The following LTV1 variants were observed in gnomAD, a reference collection of about 807,000 sequenced individuals.
The protein encoded by LTV1 is protein LTV1 homolog.
Under a neutral mutation model 59.9 loss-of-function variants are expected in LTV1, and 39 were observed. The observed-to-expected ratio is 0.65, with a 90% CI of 0.50 to 0.85. LTV1 has a LOEUF of 0.85. Among genes scored for constraint, LTV1 ranks in the 40% least tolerant of loss-of-function variants. The probability of loss-of-function intolerance (pLI) is 0.00; values close to 1 mark genes in which losing one functional copy is unlikely to be tolerated. For missense variants in LTV1, 493 were observed against 549.1 expected (o/e 0.90, Z 1.02); for synonymous variants, 171 against 189.5 (o/e 0.90, Z 0.80).
Position 143,846,130 on chromosome 6 carries a change from T to C in LTV1, c.215T>C (p.Leu72Pro). ...GACGACTATGACTACCTGCAGCACC[T>C]GAAGGAACCATCTGGGCCTTCAGAG... Reference protein sequence around the residue: ...FDDDYDYLQHLKEPSGPSELI... With the variant: ...FDDDYDYLQHPKEPSGPSELI... Residue 72 changes from leucine (L) to proline (P), a missense_variant, in exon 3 of 11, where the codon CTG becomes CCG. Physicochemically the swap from Leu to Pro is moderately conservative, Grantham distance 98. Coordinates refer to ENST00000367576, the MANE Select transcript of LTV1 (RefSeq NM_032860.5). 3 of 1,614,120 alleles carry C rather than the reference T, an allele frequency of 1.9e-6. No individual in the cohort carries two copies. Among genetic ancestry groups the C allele is most frequent in the East Asian group, 4.5e-5 (2 of 44,900 alleles).
intron 6 of LTV1, chr6:143,858,627 G>GT (rs1246469077): frequency 3.3e-5 from 5 of 153,316 alleles, no homozygotes; most frequent in Non-Finnish European, 7.3e-5. Context: ...TGAAGGAATA[G>GT]TTTCCTTCAA....
At chr6:143,859,595 C>T (rs1423683255) in intron 6 of LTV1, among the ~76,000 whole-genome samples, 1 of 152,206 alleles carries the variant, frequency 6.6e-6, no homozygotes, top group East Asian at 1.9e-4. Context: ...TCACCTAATA[C>T]TATTTTCCCT....
At chr6:143,851,108 T>TA (rs529854498) in intron 4 of LTV1, among the ~76,000 whole-genome samples, 2 of 152,146 alleles carry the variant, frequency 1.3e-5, no homozygotes, top group African/African-American at 2.4e-5. Flanking sequence ...TAGGTAACTA[T>TA]ACACATTTTA....
intron 4 of LTV1, among the ~76,000 whole-genome samples, chr6:143,851,166 G>A (rs1386074814): frequency 6.6e-6 from 1 of 152,106 alleles, no homozygotes; most frequent in Admixed American, 6.6e-5. Context: ...GAGGCTGGAG[G>A]GTTAAGTAAT....
intron 4 of LTV1, among the ~76,000 whole-genome samples, chr6:143,851,696 C>A (rs948388088): frequency 3.3e-5 from 5 of 151,950 alleles, no homozygotes; most frequent in African/African-American, 1.2e-4. Context: ...CTACATTAGG[C>A]ATTTCTCCTA....
chr6:143,844,685 TAAA>T, intron 2 of LTV1, 68 bp downstream of exon 2: 20 of 1,255,316 alleles, frequency 1.6e-5, no homozygotes, highest in South Asian at 5.9e-5. Flanking sequence ...TTTTTTTTTT[TAAA>T]TAAATAGAGT....
At chr6:143,850,533 G>C (rs1341908936) in intron 4 of LTV1, among the ~76,000 whole-genome samples, 2 of 152,148 alleles carry the variant, frequency 1.3e-5, no homozygotes, top group African/African-American at 4.8e-5. Flanking sequence ...ATTACTTGTA[G>C]TGTAATTTTG....
At chr6:143,844,813 A>G (rs1776864175) in intron 2 of LTV1, among the ~76,000 whole-genome samples, 196 bp downstream of exon 2, 1 of 152,120 alleles carries the variant, frequency 6.6e-6, no homozygotes, top group Non-Finnish European at 1.5e-5. Context: ...CTATGTTAAT[A>G]GTTTTTAATA....
chr6:143,845,296 G>T (rs1018115141), intron 2 of LTV1, among the ~76,000 whole-genome samples: 3 of 152,118 alleles, frequency 2.0e-5, no homozygotes, highest in African/African-American at 7.2e-5. Context: ...AGTACTGGGG[G>T]ACATGGGCCA....
intron 3 of LTV1, 62 bp downstream of exon 3, chr6:143,846,286 T>TA: frequency 6.7e-7 from 1 of 1,502,020 alleles, no homozygotes; most frequent in Non-Finnish European, 9.1e-7. Flanking sequence ...TGAATCAAGA[T>TA]ATCTGTTTGG....
rs920401249 is a variant in LTV1 at position 143,855,746 on chromosome 6, A to T, written c.398-1557A>T. On this transcript the variant is annotated intron_variant, in intron 4 of 10. Coordinates refer to ENST00000367576, the MANE Select transcript of LTV1 (RefSeq NM_032860.5). This position sits in a 1 kb window ranked among gnomAD's most constrained non-coding sequence, Gnocchi z 4.6. ...TGAGATTCTAAGTTGAAAATTCTTT[A>T]CTTTAAGGATGTTGAGTATTGGCCC... Among the ~76,000 whole-genome samples the T allele has an allele frequency of 1.3e-5, 2 of 152,094 alleles. No individual in the cohort carries two copies. Among genetic ancestry groups the T allele is most frequent in the Admixed American group, 1.3e-4 (2 of 15,266 alleles).
At chr6:143,848,256 A>G (rs1389586408) in intron 3 of LTV1, among the ~76,000 whole-genome samples, 1 of 152,236 alleles carries the variant, frequency 6.6e-6, no homozygotes, top group Non-Finnish European at 1.5e-5. Context: ...CTAAAAGACT[A>G]TGTAGATTTT....
chr6:143,856,727 G>A (rs6918125), intron 4 of LTV1, among the ~76,000 whole-genome samples: 1 of 152,122 alleles, frequency 6.6e-6, no homozygotes, highest in African/African-American at 2.4e-5. Flanking sequence ...TGGAGGTCCA[G>A]TCCAGTCCCT....
At chr6:143,847,660 C>T (rs545960994) in intron 3 of LTV1, among the ~76,000 whole-genome samples, 5 of 152,306 alleles carry the variant, frequency 3.3e-5, no homozygotes, top group South Asian at 4.1e-4. Flanking sequence ...CGCGCCCGGT[C>T]GTATAAGACT....
chr6:143,846,108 G>T lies in LTV1; in HGVS notation c.193G>T (p.Asp65Tyr), dbSNP rs924212185. 50 of 1,614,032 alleles carry T rather than the reference G, an allele frequency of 3.1e-5. No individual in the cohort carries two copies. Among genetic ancestry groups the T allele is most frequent in the Non-Finnish European group, 4.0e-5 (47 of 1,180,022 alleles). Residue 65 changes from aspartate (D) to tyrosine (Y), a missense_variant, in exon 3 of 11, where the codon GAC (aspartate) becomes TAC (tyrosine). Asp to Tyr is a radical substitution (Grantham distance 160). Transcript: ENST00000367576. ...GAAGTATGGAGTGTTCTTTGATGAC[G>T]ACTATGACTACCTGCAGCACCTGAA... ...QRKYGVFFDD[D>Y]YDYLQHLKEP... is the part of the protein sequence containing the mutation.
At position 143,863,530 on chromosome 6, in the gene LTV1, AGT is replaced by A; in HGVS notation, c.*5_*6del. On this transcript the variant is annotated 3_prime_UTR_variant, in exon 11 of 11. Coordinates refer to ENST00000367576, the MANE Select transcript of LTV1 (RefSeq NM_032860.5). This position sits in a 1 kb window ranked among gnomAD's most constrained non-coding sequence, Gnocchi z 4.5. ...ATGTTGAGGGTCTAAAGCTATAGAC[AGT>A]GGAGCATACAGGGCAAGGCACTTTA... 6.2e-7 allele frequency: 1 copy of A among 1,602,894 alleles called. No individual in the cohort carries two copies. Among genetic ancestry groups the A allele is most frequent in the Non-Finnish European group, 8.5e-7 (1 of 1,171,534 alleles).
intron 3 of LTV1, among the ~76,000 whole-genome samples, chr6:143,849,682 A>G (rs1044151960): frequency 2.0e-5 from 3 of 152,242 alleles, no homozygotes; most frequent in African/African-American, 7.2e-5. Flanking sequence ...CTAGGACTGC[A>G]GTAACAAATT....
chr6:143,846,906 G>T (rs558618819), intron 3 of LTV1, among the ~76,000 whole-genome samples: 14 of 152,318 alleles, frequency 9.2e-5, no homozygotes, highest in African/African-American at 2.4e-4. Flanking sequence ...CATTCATTAG[G>T]TTTATAAGCA....
At chr6:143,847,508 T>C (rs1438925309) in intron 3 of LTV1, among the ~76,000 whole-genome samples, 1 of 152,172 alleles carries the variant, frequency 6.6e-6, no homozygotes, top group Non-Finnish European at 1.5e-5. Flanking sequence ...ATTGCAGGCA[T>C]GTGGCACTGT....
Sources: gnomAD v4.1 joint callset for allele counts (sites outside exome capture counted in the v4.1 genomes callset) on GRCh38, gnomAD v4.1.1 for gene constraint, Gnocchi (gnomAD v3.1) non-coding constraint, MANE v1.5 for transcripts, NCBI Gene and HGNC (gene_info 2026-07-23, HGNC 2026-07-21) for gene names.